SNX8: variants seen among roughly 807,000 people sequenced by gnomAD.
SNX8 encodes sorting nexin 8, also known as sorting nexin-8.
In SNX8, 25 loss-of-function variants were observed where a neutral mutation model predicts 51.6. The observed-to-expected ratio is 0.48, with a 90% CI of 0.35 to 0.68. The LOEUF is 0.68. Among genes scored for constraint, SNX8 ranks in the 30% least tolerant of loss-of-function variants. SNX8 has a pLI of 0.00. For missense variants in SNX8, 695 were observed against 624.0 expected (o/e 1.11, Z -1.21); for synonymous variants, 324 against 277.0 (o/e 1.17, Z -1.68).
chr7:2,292,614 T>C (rs187769658), intron 1 of SNX8, among the ~76,000 whole-genome samples: 67 of 152,190 alleles, frequency 4.4e-4, no homozygotes, highest in Non-Finnish European at 8.5e-4. Context: ...GGTTTCACCA[T>C]GTTGGCCAGG....
intron 7 of SNX8, among the ~76,000 whole-genome samples, chr7:2,260,037 G>T (rs907303603): frequency 6.6e-6 from 1 of 151,868 alleles, no homozygotes; most frequent in African/African-American, 2.4e-5. Context: ...AGAGAGAGAG[G>T]AAGGAAGGAA....
intron 2 of SNX8, among the ~76,000 whole-genome samples, chr7:2,276,806 G>A (rs540823709): frequency 1.3e-5 from 2 of 152,340 alleles, no homozygotes; most frequent in East Asian, 1.9e-4. Context: ...ACTGCCTGGT[G>A]TGGTGGCATC....
At chr7:2,268,646 G>T (rs1453202865) in intron 5 of SNX8, among the ~76,000 whole-genome samples, 1 of 106,652 alleles carries the variant, frequency 9.4e-6, no homozygotes, top group East Asian at 2.9e-4. Flanking sequence ...GGGAGGTGAG[G>T]GGCGCCTCTG....
At chr7:2,255,217 C>G (rs1190150654) in intron 10 of SNX8, 48 bp from the exon 11 acceptor site, 1 of 1,211,804 alleles carries the variant, frequency 8.3e-7, no homozygotes, top group Admixed American at 2.3e-5. Flanking sequence ...GGCCGGGGCT[C>G]CTCCTCACGC....
chr7:2,315,200 T>G (rs1453958347), upstream of SNX8, among the ~76,000 whole-genome samples: 2 of 150,602 alleles, frequency 1.3e-5, no homozygotes, highest in Admixed American at 6.6e-5. Flanking sequence ...CTGCATTCAT[T>G]CATTCACCCA....
chr7:2,280,830 T>C (rs1795891374), intron 1 of SNX8, among the ~76,000 whole-genome samples: 1 of 149,968 alleles, frequency 6.7e-6, no homozygotes, highest in Non-Finnish European at 1.5e-5. Flanking sequence ...TCTCGCTCTG[T>C]TGCCCAGGCT....
At position 2,260,923 on chromosome 7, in the gene SNX8, G is replaced by T. The variant is rs150623295; in HGVS notation, c.915+2307C>A. Among the ~76,000 whole-genome samples, 257 of 152,298 alleles carry T rather than the reference G, an allele frequency of 1.7e-3. 1 individual carries two copies. Among genetic ancestry groups the T allele is most frequent in the African/African-American group, 5.8e-3 (243 of 41,564 alleles). On this transcript the variant is annotated intron_variant, in intron 7 of 10. Coordinates refer to ENST00000222990, the MANE Select transcript of SNX8 (RefSeq NM_013321.4). The stretch of plus-strand genomic sequence containing the variant: ...TTCTCTCCCTCTTCAAGGTGGAAAT[G>T]CGGCATCCAGGGCTGAATCAGAAAA...
At chr7:2,260,841 C>G (rs1028184743) in intron 7 of SNX8, among the ~76,000 whole-genome samples, 2 of 152,206 alleles carry the variant, frequency 1.3e-5, no homozygotes, top group African/African-American at 4.8e-5. Context: ...GTCCAAGAGT[C>G]ACAGAGCTGG....
chr7:2,346,784 G>A (rs62444161), intron 1 of SNX8, among the ~76,000 whole-genome samples: 34,945 of 146,856 alleles, frequency 0.24, 4,433 homozygotes, highest in Non-Finnish European at 0.28. Flanking sequence ...GCCAAGTATG[G>A]TGGCTCACAC....
At chr7:2,353,366 A>G (rs921717902) in intron 1 of SNX8, among the ~76,000 whole-genome samples, 8 of 152,198 alleles carry the variant, frequency 5.3e-5, no homozygotes, top group African/African-American at 1.9e-4. Flanking sequence ...AGCCTGGGCA[A>G]CAGAGCGAGA....
At chr7:2,334,433 C>T (rs1380484512) in intron 1 of SNX8, among the ~76,000 whole-genome samples, 2 of 150,702 alleles carry the variant, frequency 1.3e-5, no homozygotes, top group Admixed American at 6.6e-5. Flanking sequence ...CACAGTGGCT[C>T]GCGCCTGTAA....
upstream of SNX8, among the ~76,000 whole-genome samples, chr7:2,316,973 C>G (rs1384676805): frequency 6.6e-6 from 1 of 152,188 alleles, no homozygotes; most frequent in Non-Finnish European, 1.5e-5. Flanking sequence ...AGTGTGCTAA[C>G]TGTTCCAAAA....
At chr7:2,319,639 C>A (rs1346224801) in intron 1 of SNX8, among the ~76,000 whole-genome samples, 2 of 152,272 alleles carry the variant, frequency 1.3e-5, no homozygotes, top group Non-Finnish European at 1.5e-5. Flanking sequence ...CACGGTGAAA[C>A]CCCGTCTCTA....
intron 1 of SNX8, among the ~76,000 whole-genome samples, chr7:2,352,878 G>A (rs1420728247): frequency 2.6e-5 from 4 of 152,028 alleles, no homozygotes; most frequent in East Asian, 1.9e-4. Flanking sequence ...GTACAGATGC[G>A]GAAACTGAGG....
chr7:2,272,661 C>T (rs779536287), intron 3 of SNX8, among the ~76,000 whole-genome samples: 2 of 152,072 alleles, frequency 1.3e-5, no homozygotes, highest in Non-Finnish European at 2.9e-5. Flanking sequence ...CAGGCGTAAG[C>T]CACCGCGCCC....
chr7:2,290,646 G>C (rs372490320), intron 1 of SNX8, among the ~76,000 whole-genome samples: 3 of 152,306 alleles, frequency 2.0e-5, no homozygotes, highest in East Asian at 1.9e-4. Flanking sequence ...GAGGGTGGCC[G>C]AGGCAGGGCA....
rs569708740 is a variant in SNX8, at chr7:2,332,876, G to GAGAA, written c.-66+21342_-66+21345dup. Among the ~76,000 whole-genome samples the GAGAA allele has an allele frequency of 5.1e-3, 771 of 150,758 alleles. 6 individuals carry two copies. The highest frequency in any genetic ancestry group is 0.02 in the South Asian group (93 of 4,758). ...GGAAAAAGAGAGAGAGAGAAAGAAAGAGAAAGAAAGAAAGAAAAGAAAGAA... is the reference window on the plus strand; with the variant it reads ...GGAAAAAGAGAGAGAGAGAAAGAAAGAGAAAGAAAGAAAGAAAGAAAAGAAAGAA... On this transcript the variant is annotated intron_variant, in intron 1 of 5. Transcript: ENST00000435336.
chr7:2,301,966 G>A (rs1020217330), intron 1 of SNX8, among the ~76,000 whole-genome samples: 10 of 152,268 alleles, frequency 6.6e-5, no homozygotes, highest in Admixed American at 1.3e-4. Flanking sequence ...GGATCGGCCA[G>A]GCGCGGTGGC....
chr7:2,302,969 G>A (rs971099400), intron 1 of SNX8, among the ~76,000 whole-genome samples: 2 of 151,898 alleles, frequency 1.3e-5, no homozygotes, highest in African/African-American at 4.8e-5. Flanking sequence ...TGGGAAGTGA[G>A]GAGCGTCTCC....
Sources: gnomAD v4.1 joint callset for allele counts (sites outside exome capture counted in the v4.1 genomes callset) on GRCh38, gnomAD v4.1.1 for gene constraint, MANE v1.5 for transcripts, NCBI Gene and HGNC (gene_info 2026-07-23, HGNC 2026-07-21) for gene names.